Variants in PEAK1 observed in about 807,000 individuals in gnomAD.
PEAK1 encodes the protein inactive tyrosine-protein kinase PEAK1.
A neutral mutation model predicts 124.7 loss-of-function variants in PEAK1; 54 were observed. The observed-to-expected ratio is 0.43, with a 90% CI of 0.35 to 0.54. PEAK1 has a LOEUF of 0.54. Ranked by LOEUF, PEAK1 falls within the 20% of genes least tolerant of loss-of-function variation. PEAK1 has a pLI of 0.01. For synonymous variants in PEAK1, 719 were observed against 760.0 expected, an observed-to-expected ratio of 0.95 and a Z score of 0.89; for missense variants, 2,046 against 2,134.5, an observed-to-expected ratio of 0.96 and a Z score of 0.82.
rs776995502 is a variant in PEAK1, at chr15:77,133,597, C to T, written c.3485G>A (p.Arg1162Lys). ...CTTGGAGATTGGCTCTGTATTGGCT[C>T]TTATGATCATCTTCTTTGGCAGTGG... ...PPPLPKKMII[R>K]ANTEPISKDL... The change falls in exon 9 of 10, where the codon AGA (arginine) becomes AAA (lysine). Residue 1162 changes from arginine to lysine, a missense_variant. Physicochemically the swap from Arg to Lys is conservative, Grantham distance 26. Transcript: ENST00000682557. The surrounding 1 kb of genome is among the most constrained non-coding windows in gnomAD (Gnocchi z 4.2). 1.2e-6 allele frequency: 2 copies of T among 1,614,076 alleles called. No homozygotes were observed. Among genetic ancestry groups the T allele is most frequent in the South Asian group, 2.2e-5 (2 of 91,074 alleles).
intron 7 of PEAK1, among the ~76,000 whole-genome samples, chr15:77,163,659 C>G (rs2055856496): frequency 6.6e-6 from 1 of 152,126 alleles, no homozygotes; most frequent in Non-Finnish European, 1.5e-5. Flanking sequence ...CAAGTATTTC[C>G]ACAATTTCAG....
At chr15:77,319,081 A>G (rs1228471624) in intron 2 of PEAK1, among the ~76,000 whole-genome samples, 1 of 152,106 alleles carries the variant, frequency 6.6e-6, no homozygotes, top group Non-Finnish European at 1.5e-5. Flanking sequence ...AACAATATTC[A>G]TAATCACTAT....
At chr15:77,327,797 C>T (rs982726533) in intron 2 of PEAK1, among the ~76,000 whole-genome samples, 4 of 151,002 alleles carry the variant, frequency 2.6e-5, no homozygotes, top group African/African-American at 7.3e-5. Flanking sequence ...AAAAATGCAA[C>T]GTTATTGCAA....
rs1218680392 is a variant in PEAK1 at position 77,180,036 on chromosome 15, T to G, written c.1891A>C (p.Asn631His). The change falls in exon 7 of 10, where the codon AAT becomes CAT. Residue 631 changes from asparagine (N) to histidine (H), a missense_variant. Physicochemically the swap from Asn to His is moderately conservative, Grantham distance 68 (BLOSUM62 1). Transcript: ENST00000682557. ...GCTAGATTGTCATATGCATTTGGAT[T>G]GATAACAATGGGAACTTTGATAGCA... ...KNAIKVPIVINPNAYDNLAIY... is the reference protein window; with the variant it reads ...KNAIKVPIVIHPNAYDNLAIY... 1 of 1,614,066 alleles carries G rather than the reference T, an allele frequency of 6.2e-7. No homozygotes were observed. The highest frequency in any genetic ancestry group is 1.7e-5 in the Admixed American group (1 of 60,020).
chr15:77,343,934 G>A (rs2066708168), intron 2 of PEAK1, among the ~76,000 whole-genome samples: 1 of 152,124 alleles, frequency 6.6e-6, no homozygotes, highest in Admixed American at 6.6e-5. Context: ...TTTTCTGTAT[G>A]TGGAATAAGG....
intron 7 of PEAK1, among the ~76,000 whole-genome samples, chr15:77,172,077 T>C (rs940773855): frequency 1.3e-5 from 2 of 152,186 alleles, no homozygotes; most frequent in East Asian, 1.9e-4. Context: ...TTTGGTACCA[T>C]ACCAGAATTT....
intron 6 of PEAK1, among the ~76,000 whole-genome samples, chr15:77,224,990 A>G (rs1456555871): frequency 6.6e-6 from 1 of 151,910 alleles, no homozygotes; most frequent in Non-Finnish European, 1.5e-5. Flanking sequence ...GCAATCACAA[A>G]TACAATGTTC....
At chr15:77,128,392 C>T (rs999043035) in intron 9 of PEAK1, among the ~76,000 whole-genome samples, 1 of 152,202 alleles carries the variant, frequency 6.6e-6, no homozygotes, top group African/African-American at 2.4e-5. Flanking sequence ...ACAGAAACAT[C>T]AGGGCTGCTT....
chr15:77,348,274 G>C (rs1260344956), intron 2 of PEAK1: 1 of 917,642 alleles, frequency 1.1e-6, no homozygotes, highest in African/African-American at 1.8e-5. Context: ...ACATCCCTGA[G>C]TCTCAATTTT....
Position 77,202,104 on chromosome 15 carries a change from G to A in PEAK1, c.-114-20064C>T, listed in dbSNP as rs141782228. Among the ~76,000 whole-genome samples the A allele has an allele frequency of 4.2e-3, 637 of 152,254 alleles. 6 individuals are homozygous for A. The highest frequency in any genetic ancestry group is 0.014 in the African/African-American group (597 of 41,558). ...TCTAAGACTGGGTGCAGTCTTAGATGCAGTTTCACATTTAGTCTTTTGGAT... is the reference window on the plus strand; with the variant it reads ...TCTAAGACTGGGTGCAGTCTTAGATACAGTTTCACATTTAGTCTTTTGGAT... On this transcript the variant is annotated intron_variant, in intron 6 of 9. Coordinates refer to ENST00000682557, the MANE Select transcript of PEAK1 (RefSeq NM_001385026.1).
chr15:77,321,065 G>C (rs1461027111), intron 2 of PEAK1, among the ~76,000 whole-genome samples: 1 of 152,174 alleles, frequency 6.6e-6, no homozygotes, highest in Non-Finnish European at 1.5e-5. Context: ...GTCATTGTTG[G>C]ACATCTGGGT....
chr15:77,406,051 C>T (rs1012399225), intron 1 of PEAK1, among the ~76,000 whole-genome samples: 2 of 152,132 alleles, frequency 1.3e-5, no homozygotes, highest in Admixed American at 1.3e-4. Context: ...TGCTGTTATG[C>T]TGCATAGAAG....
intron 9 of PEAK1, among the ~76,000 whole-genome samples, chr15:77,124,465 T>G (rs1334658708): frequency 2.0e-5 from 3 of 152,238 alleles, no homozygotes; most frequent in Non-Finnish European, 4.4e-5. Flanking sequence ...ATATTTCAAC[T>G]AATGGCATCA....
chr15:77,347,773 A>G (rs867305843), intron 2 of PEAK1: 4 of 983,680 alleles, frequency 4.1e-6, no homozygotes, highest in East Asian at 2.3e-4. Context: ...AAGAAAAAAA[A>G]TTTAGTGAGT....
chr15:77,121,164 C>T (rs1203847372), intron 9 of PEAK1, among the ~76,000 whole-genome samples: 2 of 151,934 alleles, frequency 1.3e-5, no homozygotes, highest in African/African-American at 4.8e-5. Flanking sequence ...GTTTGAGGTA[C>T]AACTGATCCC....
At chr15:77,416,080 C>T (rs2072862637) in intron 1 of PEAK1, among the ~76,000 whole-genome samples, 1 of 152,252 alleles carries the variant, frequency 6.6e-6, no homozygotes, top group Non-Finnish European at 1.5e-5. Context: ...TTATAAAAGA[C>T]ATCCTAATCA....
chr15:77,173,623 C>T (rs1168924860), intron 7 of PEAK1, among the ~76,000 whole-genome samples: 2 of 152,176 alleles, frequency 1.3e-5, no homozygotes, highest in African/African-American at 4.8e-5. Context: ...TCAACCCCAC[C>T]TCACCCAAAA....
intron 6 of PEAK1, among the ~76,000 whole-genome samples, chr15:77,199,205 T>C (rs1438384641): frequency 1.3e-5 from 2 of 152,182 alleles, no homozygotes; most frequent in Non-Finnish European, 2.9e-5. Flanking sequence ...CCAGATTGGT[T>C]CCATCAATGC....
At chr15:77,370,683 A>G (rs1030818539) in intron 1 of PEAK1, 2 of 983,956 alleles carry the variant, frequency 2.0e-6, no homozygotes, top group Admixed American at 6.1e-5. Context: ...TCAAAATTCA[A>G]TGGAGACAGT....
Sources: gnomAD v4.1 joint callset for allele counts (sites outside exome capture counted in the v4.1 genomes callset) on GRCh38, gnomAD v4.1.1 for gene constraint, Gnocchi (gnomAD v3.1) non-coding constraint, MANE v1.5 for transcripts, NCBI Gene and HGNC (gene_info 2026-07-23, HGNC 2026-07-21) for gene names.